ADAMTS17: variants seen among roughly 807,000 people sequenced by gnomAD.
ADAMTS17 encodes A disintegrin and metalloproteinase with thrombospondin motifs 17.
ADAMTS17 carries 113 observed loss-of-function variants against 141.5 expected under a neutral mutation model. That is an observed-to-expected ratio of 0.80 (90% CI 0.69 to 0.93). The LOEUF is 0.93. Among genes scored for constraint, ADAMTS17 ranks in the 40% least tolerant of loss-of-function variants. The pLI is 0.00. For missense variants in ADAMTS17, 1,659 were observed against 1,517.9 expected (o/e 1.09, Z -1.54); for synonymous variants, 768 against 630.6 (o/e 1.22, Z -3.27).
At chr15:100,320,547 C>T (rs1470262580) in intron 3 of ADAMTS17, among the ~76,000 whole-genome samples, 3 of 152,120 alleles carry the variant, frequency 2.0e-5, no homozygotes, top group Admixed American at 6.5e-5. Context: ...AGAATAAGGG[C>T]GGAGGCTGAA....
chr15:100,257,085 A>C (rs902232575), intron 6 of ADAMTS17: 3 of 152,246 alleles, frequency 2.0e-5, no homozygotes. Context: ...CTGGAAGGTG[A>C]AAAAAGAACC....
chr15:100,241,915 AG>A (rs1471482879), intron 7 of ADAMTS17, among the ~76,000 whole-genome samples: 1 of 152,204 alleles, frequency 6.6e-6, no homozygotes, highest in African/African-American at 2.4e-5. Flanking sequence ...AGCCAGGCCC[AG>A]ATTCGGTCTC....
intron 12 of ADAMTS17, among the ~76,000 whole-genome samples, chr15:100,131,005 G>C (rs1393923758): frequency 6.6e-6 from 1 of 152,054 alleles, no homozygotes; most frequent in African/African-American, 2.4e-5. Flanking sequence ...AGAAAATGTG[G>C]CACATATACA....
At chr15:100,187,196 G>A (rs1418568943) in intron 8 of ADAMTS17, among the ~76,000 whole-genome samples, 1 of 152,130 alleles carries the variant, frequency 6.6e-6, no homozygotes, top group Non-Finnish European at 1.5e-5. Flanking sequence ...AGATAAGCAT[G>A]CCCAGTGATA....
chr15:100,309,275 A>G (rs899270339), intron 3 of ADAMTS17, among the ~76,000 whole-genome samples: 35 of 152,304 alleles, frequency 2.3e-4, no homozygotes, highest in Non-Finnish European at 3.5e-4. Context: ...GTGTGGGAGG[A>G]TCGCTCGAGG....
intron 15 of ADAMTS17, 127 bp from the exon 16 acceptor site, chr15:100,054,181 G>T: frequency 9.1e-7 from 1 of 1,104,396 alleles, no homozygotes; most frequent in Non-Finnish European, 1.4e-6. Context: ...AAGGAGGGAG[G>T]CCTGAAGCGA....
chr15:100,149,534 T>C (rs1385150342), intron 10 of ADAMTS17, among the ~76,000 whole-genome samples: 16 of 152,376 alleles, frequency 1.1e-4, no homozygotes, highest in Non-Finnish European at 2.4e-4. Context: ...TCACCTGCTC[T>C]GACCTAAGTC....
At chr15:100,289,028 C>T (rs1279043658) in intron 3 of ADAMTS17, among the ~76,000 whole-genome samples, 1 of 151,798 alleles carries the variant, frequency 6.6e-6, no homozygotes, top group Non-Finnish European at 1.5e-5. Context: ...AAAATTGAGA[C>T]ATGAAAAACA....
chr15:100,028,220 C>T (rs1007859233), intron 18 of ADAMTS17, among the ~76,000 whole-genome samples: 1 of 152,226 alleles, frequency 6.6e-6, no homozygotes, highest in African/African-American at 2.4e-5. Context: ...TAAACCCTCG[C>T]ACATTTGGGG....
At chr15:100,282,418 C>G (rs759742181) in intron 3 of ADAMTS17, among the ~76,000 whole-genome samples, 1 of 152,186 alleles carries the variant, frequency 6.6e-6, no homozygotes, top group Non-Finnish European at 1.5e-5. Context: ...ACAGACAGTA[C>G]CGAGCCCTAC....
chr15:100,061,917 T>G (rs1425513625), intron 15 of ADAMTS17, among the ~76,000 whole-genome samples: 1 of 152,136 alleles, frequency 6.6e-6, no homozygotes, highest in African/African-American at 2.4e-5. Context: ...AGGGGAAGGG[T>G]AACTTTTTGG....
chr15:100,325,096 C>G (rs184060238), intron 3 of ADAMTS17, among the ~76,000 whole-genome samples: 1 of 152,168 alleles, frequency 6.6e-6, no homozygotes, highest in East Asian at 1.9e-4. Flanking sequence ...TATGACGGTT[C>G]GCTTGAACAT....
At position 100,222,054 on chromosome 15, in the gene ADAMTS17, T is replaced by C. The variant is rs190320970; in HGVS notation, c.1076-22631A>G. Among the ~76,000 whole-genome samples the C allele has an allele frequency of 3.9e-3, 599 of 152,318 alleles. 4 individuals are homozygous for C. The highest frequency in any genetic ancestry group is 0.014 in the African/African-American group (570 of 41,568). On this transcript the variant is annotated intron_variant, in intron 7 of 21. Transcript: ENST00000268070. Reference sequence around the variant, plus strand: ...CCATTTTATTAAACGAAGTCACGCCTTAGCCTTAAGAGTGCTTTCATGGCA... The same window carrying C: ...CCATTTTATTAAACGAAGTCACGCCCTAGCCTTAAGAGTGCTTTCATGGCA...
intron 15 of ADAMTS17, among the ~76,000 whole-genome samples, chr15:100,056,968 T>C (rs1019787346): frequency 3.0e-4 from 45 of 152,026 alleles, no homozygotes; most frequent in African/African-American, 9.4e-4. Context: ...GAAGGCTTCC[T>C]GGGATAAGCC....
At chr15:100,297,821 A>C (rs1020422861) in intron 3 of ADAMTS17, among the ~76,000 whole-genome samples, 1 of 152,148 alleles carries the variant, frequency 6.6e-6, no homozygotes, top group Non-Finnish European at 1.5e-5. Flanking sequence ...TCCTTTAGAG[A>C]CCTCAAAACC....
At chr15:100,295,694 T>A (rs934594917) in intron 3 of ADAMTS17, among the ~76,000 whole-genome samples, 1 of 152,220 alleles carries the variant, frequency 6.6e-6, no homozygotes, top group Non-Finnish European at 1.5e-5. Context: ...GCTTCCCTCT[T>A]TGCTCGTGCA....
intron 8 of ADAMTS17, among the ~76,000 whole-genome samples, chr15:100,178,662 G>A (rs1162032066): frequency 1.3e-5 from 2 of 152,026 alleles, no homozygotes; most frequent in East Asian, 3.8e-4. Flanking sequence ...TACCCATTCT[G>A]TTTTGAAGGA....
intron 8 of ADAMTS17, among the ~76,000 whole-genome samples, chr15:100,185,708 C>T (rs1203088397): frequency 6.6e-6 from 1 of 152,244 alleles, no homozygotes; most frequent in Non-Finnish European, 1.5e-5. Context: ...CCCTCATGCC[C>T]TGGCATCCTC....
At chr15:100,124,762 T>C (rs1214168744) in intron 12 of ADAMTS17, among the ~76,000 whole-genome samples, 3 of 143,928 alleles carry the variant, frequency 2.1e-5, no homozygotes, top group African/African-American at 7.4e-5. Flanking sequence ...GAGGCTTTGG[T>C]GAGAAACCGA....
Sources: gnomAD v4.1 joint callset for allele counts (sites outside exome capture counted in the v4.1 genomes callset) on GRCh38, gnomAD v4.1.1 for gene constraint, MANE v1.5 for transcripts, NCBI Gene and HGNC (gene_info 2026-07-23, HGNC 2026-07-21) for gene names.